The following STXBP5L variants were observed in gnomAD, a reference collection of about 807,000 sequenced individuals.
The protein encoded by STXBP5L is syntaxin-binding protein 5-like.
A neutral mutation model predicts 144.5 loss-of-function variants in STXBP5L; 65 were observed. That is an observed-to-expected ratio of 0.45 (90% CI 0.37 to 0.55). The LOEUF (loss-of-function observed/expected upper bound fraction) is 0.55, where lower values mean the gene tolerates loss of function less well. STXBP5L is among the 20% of genes least tolerant of loss of function. The pLI is 0.00. For missense variants in STXBP5L, 1,298 were observed against 1,405.5 expected, an observed-to-expected ratio of 0.92 and a Z score of 1.22; for synonymous variants, 505 against 469.6, an observed-to-expected ratio of 1.08 and a Z score of -0.97.
intron 9 of STXBP5L, among the ~76,000 whole-genome samples, chr3:121,187,430 G>C (rs2047435936): frequency 2.5e-5 from 3 of 121,614 alleles, no homozygotes; most frequent in African/African-American, 6.0e-5. Flanking sequence ...AGGGGGGAGG[G>C]ATAGCATTAG....
At position 121,037,925 on chromosome 3, in the gene STXBP5L, C is replaced by T. The variant is rs545424560; in HGVS notation, c.288-3775C>T. ...AATTTGTCCATTTCATTTAGATTGTCAAATTTATTGGCATAATTTTTTAAA... is the reference window on the plus strand; with the variant it reads ...AATTTGTCCATTTCATTTAGATTGTTAAATTTATTGGCATAATTTTTTAAA... On this transcript the variant is annotated intron_variant, in intron 3 of 26. Coordinates refer to ENST00000471454, the MANE Select transcript of STXBP5L (RefSeq NM_001308330.2). Among the ~76,000 whole-genome samples, 9 of 152,016 alleles carry T rather than the reference C, an allele frequency of 5.9e-5. No homozygotes were observed. The East Asian group carries it at 1.7e-3, about 29-fold the overall frequency.
At chr3:121,043,608 C>G (rs1266544113) in intron 4 of STXBP5L, among the ~76,000 whole-genome samples, 3 of 152,072 alleles carry the variant, frequency 2.0e-5, no homozygotes, top group Admixed American at 1.3e-4. Context: ...ACTCAGGAGG[C>G]TGAGGCAGAA....
intron 4 of STXBP5L, among the ~76,000 whole-genome samples, chr3:121,044,227 A>C (rs902403526): frequency 6.7e-6 from 1 of 148,946 alleles, no homozygotes; most frequent in Non-Finnish European, 1.5e-5. Flanking sequence ...ATTTTCTTGG[A>C]TATGATCTTT....
At chr3:121,309,436 C>A (rs1414341020) in intron 19 of STXBP5L, among the ~76,000 whole-genome samples, 1 of 151,940 alleles carries the variant, frequency 6.6e-6, no homozygotes, top group African/African-American at 2.4e-5. Context: ...AAGTGTCAAT[C>A]AAGATGAGAC....
chr3:121,072,292 AG>A (rs1321615568), intron 5 of STXBP5L, among the ~76,000 whole-genome samples: 3 of 152,212 alleles, frequency 2.0e-5, no homozygotes, highest in Non-Finnish European at 1.5e-5. Flanking sequence ...GTCCACAAGC[AG>A]GTTTTCACAG....
chr3:120,967,706 T>C (rs1175544012), intron 3 of STXBP5L, among the ~76,000 whole-genome samples: 1 of 152,192 alleles, frequency 6.6e-6, no homozygotes, highest in African/African-American at 2.4e-5. Context: ...ATTTGAAGTC[T>C]TTCTAATTTT....
At chr3:121,022,294 C>T (rs148433229) in intron 3 of STXBP5L, among the ~76,000 whole-genome samples, 1 of 151,906 alleles carries the variant, frequency 6.6e-6, no homozygotes, top group African/African-American at 2.4e-5. Context: ...AAGTTACCAA[C>T]AACAACAAAA....
intron 2 of STXBP5L, among the ~76,000 whole-genome samples, chr3:120,921,487 C>T (rs1024162791): frequency 1.3e-5 from 2 of 151,896 alleles, no homozygotes; most frequent in Admixed American, 1.3e-4. Context: ...TTGATGCAAT[C>T]CCATTTTCCA....
chr3:121,135,696 A>G (rs1194575767), intron 7 of STXBP5L, among the ~76,000 whole-genome samples: 2 of 152,134 alleles, frequency 1.3e-5, no homozygotes, highest in Non-Finnish European at 2.9e-5. Flanking sequence ...GTAAATACAG[A>G]TGACTCTTCA....
At chr3:120,963,156 C>T (rs980534770) in intron 3 of STXBP5L, among the ~76,000 whole-genome samples, 3 of 152,216 alleles carry the variant, frequency 2.0e-5, no homozygotes, top group Non-Finnish European at 2.9e-5. Flanking sequence ...AGTTGCTTAT[C>T]AGCTTAAGGA....
intron 4 of STXBP5L, among the ~76,000 whole-genome samples, chr3:121,044,177 T>C (rs1451277675): frequency 6.6e-6 from 1 of 152,302 alleles, no homozygotes; most frequent in Admixed American, 6.5e-5. Flanking sequence ...TGTATGTATG[T>C]AATTAGATAT....
intron 10 of STXBP5L, among the ~76,000 whole-genome samples, chr3:121,210,885 T>G (rs2048535941): frequency 6.6e-6 from 1 of 152,202 alleles, no homozygotes; most frequent in Admixed American, 6.5e-5. Context: ...GCTTTGTTCT[T>G]TTGGCTTAGG....
At chr3:121,332,946 T>C (rs1019784800) in intron 20 of STXBP5L, among the ~76,000 whole-genome samples, 2 of 151,964 alleles carry the variant, frequency 1.3e-5, no homozygotes, top group African/African-American at 4.8e-5. Context: ...ACAGAATAAC[T>C]ATCATCAGCC....
At chr3:121,194,765 A>G (rs115412591) in intron 9 of STXBP5L, among the ~76,000 whole-genome samples, 227 of 152,214 alleles carry the variant, frequency 1.5e-3, no homozygotes, top group Non-Finnish European at 2.6e-3. Context: ...GTCTATTCAT[A>G]TCTTCTAAAG....
intron 19 of STXBP5L, among the ~76,000 whole-genome samples, chr3:121,306,492 G>T (rs1354300611): frequency 2.6e-5 from 4 of 152,082 alleles, no homozygotes; most frequent in Admixed American, 6.6e-5. Context: ...AAGACCAGAG[G>T]ATACCACCTT....
chr3:121,135,813 T>G (rs566648110), intron 7 of STXBP5L, among the ~76,000 whole-genome samples: 1 of 152,152 alleles, frequency 6.6e-6, no homozygotes, highest in African/African-American at 2.4e-5. Flanking sequence ...ACCACCTTGG[T>G]GTCATGAAAA....
intron 2 of STXBP5L, among the ~76,000 whole-genome samples, chr3:120,950,918 C>A: frequency 1.3e-5 from 2 of 152,150 alleles, no homozygotes. Context: ...TACAAGGCTA[C>A]AGTAACCAAA....
intron 9 of STXBP5L, among the ~76,000 whole-genome samples, chr3:121,180,659 G>A (rs966528026): frequency 1.3e-4 from 20 of 152,178 alleles, no homozygotes; most frequent in African/African-American, 4.6e-4. Context: ...TGGATCACTT[G>A]AGTTCAGCGG....
At chr3:120,997,259 C>T (rs1337000565) in intron 3 of STXBP5L, among the ~76,000 whole-genome samples, 1 of 152,140 alleles carries the variant, frequency 6.6e-6, no homozygotes, top group Non-Finnish European at 1.5e-5. Context: ...CATATGCATG[C>T]ATGTGTCTTT....
Sources: allele counts gnomAD v4.1 joint callset (sites outside exome capture counted in the v4.1 genomes callset), GRCh38; gene constraint gnomAD v4.1.1; transcripts MANE v1.5; gene names NCBI Gene and HGNC (gene_info 2026-07-23, HGNC 2026-07-21).